LRRC1: variants seen among roughly 807,000 people sequenced by gnomAD.
The protein encoded by LRRC1 is leucine-rich repeat-containing protein 1.
Under a neutral mutation model 69.9 loss-of-function variants are expected in LRRC1, and 28 were observed. That is an observed-to-expected ratio of 0.40 (90% CI 0.30 to 0.55). LRRC1 has a LOEUF of 0.55. LRRC1 is among the 20% of genes least tolerant of loss of function. The pLI is 0.47. For synonymous variants in LRRC1, 236 were observed against 240.2 expected, an observed-to-expected ratio of 0.98 and a Z score of 0.16; for missense variants, 498 against 609.0, an observed-to-expected ratio of 0.82 and a Z score of 1.92.
chr6:53,824,065 A>G (rs1459610744), intron 1 of LRRC1, among the ~76,000 whole-genome samples: 1 of 151,232 alleles, frequency 6.6e-6, no homozygotes, highest in Admixed American at 6.6e-5. Flanking sequence ...AGGAATCGCC[A>G]TACTCTTTCC....
intron 7 of LRRC1, among the ~76,000 whole-genome samples, chr6:53,898,779 G>GGGCATATCA (rs1380539521): frequency 6.6e-6 from 1 of 152,140 alleles, no homozygotes; most frequent in Admixed American, 6.6e-5. Context: ...GGAAATACAG[G>GGGCATATCA]GGCAGGATCA....
intron 4 of LRRC1, among the ~76,000 whole-genome samples, chr6:53,885,093 T>C (rs1767430328): frequency 6.6e-6 from 1 of 152,252 alleles, no homozygotes; most frequent in Admixed American, 6.5e-5. Context: ...CAAGAAACTG[T>C]GATTTCTTCT....
chr6:53,878,019 C>T (rs113703396), intron 2 of LRRC1, among the ~76,000 whole-genome samples: 2 of 152,184 alleles, frequency 1.3e-5, no homozygotes, highest in African/African-American at 4.8e-5. Flanking sequence ...CTAGGGAGGC[C>T]TCACAATCAC....
intron 2 of LRRC1, among the ~76,000 whole-genome samples, chr6:53,853,458 T>C (rs2127420327): frequency 6.6e-6 from 1 of 152,168 alleles, no homozygotes; most frequent in South Asian, 2.1e-4. Context: ...CTAATTTTTG[T>C]ATATTTAGTA....
At chr6:53,898,509 A>C (rs1218134043) in intron 7 of LRRC1, among the ~76,000 whole-genome samples, 1 of 152,240 alleles carries the variant, frequency 6.6e-6, no homozygotes, top group African/African-American at 2.4e-5. Flanking sequence ...GATATTCTAA[A>C]TACAAAGAAA....
intron 2 of LRRC1, among the ~76,000 whole-genome samples, chr6:53,872,373 A>G (rs1581889881): frequency 1.3e-5 from 2 of 152,288 alleles, no homozygotes; most frequent in Middle Eastern, 3.4e-3. Context: ...AGCAGTATAC[A>G]CTGAACCCAA....
chr6:53,876,674 C>T (rs113949988), intron 2 of LRRC1, among the ~76,000 whole-genome samples: 8,062 of 152,256 alleles, frequency 0.053, 348 homozygotes, highest in Non-Finnish European at 0.078. Context: ...TCCAGCAGGG[C>T]GGTCAAATCT....
intron 3 of LRRC1, among the ~76,000 whole-genome samples, chr6:53,881,512 A>G (rs1767291370): frequency 6.6e-6 from 1 of 152,242 alleles, no homozygotes; most frequent in Admixed American, 6.5e-5. Context: ...TTTGAATTAT[A>G]AGTAAAAATC....
intron 1 of LRRC1, among the ~76,000 whole-genome samples, chr6:53,816,359 C>T (rs749700806): frequency 2.6e-5 from 4 of 151,482 alleles, no homozygotes; most frequent in Non-Finnish European, 5.9e-5. Flanking sequence ...ACCTACTATA[C>T]GTTAAAAATT....
At chr6:53,904,576 T>C (rs1047122876) in intron 10 of LRRC1, 114 bp downstream of exon 10, 6 of 659,732 alleles carry the variant, frequency 9.1e-6, no homozygotes, top group Non-Finnish European at 1.5e-5. Context: ...TTTTTAAAGG[T>C]GTGAACTCTA....
intron 10 of LRRC1, among the ~76,000 whole-genome samples, chr6:53,910,958 T>C (rs557591020): frequency 1.3e-5 from 2 of 152,392 alleles, no homozygotes; most frequent in African/African-American, 4.8e-5. Flanking sequence ...TTTATGTGAA[T>C]GTTCGCTGGG....
chr6:53,848,490 T>G (rs926930981), intron 2 of LRRC1, among the ~76,000 whole-genome samples: 4 of 152,242 alleles, frequency 2.6e-5, no homozygotes, highest in African/African-American at 9.6e-5. Flanking sequence ...GGATAAACTT[T>G]ACACATATGT....
chr6:53,802,964 A>G (rs1396769939), intron 1 of LRRC1, among the ~76,000 whole-genome samples: 2 of 152,306 alleles, frequency 1.3e-5, no homozygotes, highest in East Asian at 3.9e-4. Context: ...TGCTTTTAGT[A>G]TGGTAAAACA....
At chr6:53,816,180 T>C (rs1024757340) in intron 1 of LRRC1, among the ~76,000 whole-genome samples, 1 of 152,238 alleles carries the variant, frequency 6.6e-6, no homozygotes, top group Non-Finnish European at 1.5e-5. Context: ...TAAATACTTT[T>C]GACACTGGGC....
intron 1 of LRRC1, among the ~76,000 whole-genome samples, chr6:53,829,111 A>G (rs1398932105): frequency 1.3e-5 from 2 of 152,184 alleles, no homozygotes; most frequent in Non-Finnish European, 2.9e-5. Flanking sequence ...GGGATTATGG[A>G]GCTTGGGCTC....
At chr6:53,896,788 T>G (rs1250772938) in intron 5 of LRRC1, 41 bp from the exon 6 acceptor site, 1 of 1,293,086 alleles carries the variant, frequency 7.7e-7, no homozygotes, top group Non-Finnish European at 1.1e-6. Flanking sequence ...TCAGCATTTC[T>G]AAGTATTCTC....
intron 1 of LRRC1, 36 bp from the exon 2 acceptor site, chr6:53,842,074 T>C: frequency 7.6e-7 from 1 of 1,308,040 alleles, no homozygotes; most frequent in Non-Finnish European, 1.1e-6. Context: ...GATACAAACA[T>C]ATGTGAAATC....
chr6:53,920,483 C>T (rs1444895500), intron 12 of LRRC1, 142 bp from the exon 13 acceptor site: 5 of 769,778 alleles, frequency 6.5e-6, no homozygotes, highest in Non-Finnish European at 1.0e-5. Flanking sequence ...TAAAGCCAAA[C>T]TTGCAACAGA....
chr6:53,798,646 T>A (rs925098948), intron 1 of LRRC1, among the ~76,000 whole-genome samples: 1 of 152,260 alleles, frequency 6.6e-6, no homozygotes, highest in African/African-American at 2.4e-5. Flanking sequence ...CCCAAAGTGC[T>A]GGGATTACAG....
Sources: allele counts gnomAD v4.1 joint callset (sites outside exome capture counted in the v4.1 genomes callset), GRCh38; gene constraint gnomAD v4.1.1; transcripts MANE v1.5; gene names NCBI Gene and HGNC (gene_info 2026-07-23, HGNC 2026-07-21).